Variants in TRAF3 observed in about 807,000 individuals in gnomAD.
TRAF3 encodes TNF receptor-associated factor 3.
Under a neutral mutation model 62.3 loss-of-function variants are expected in TRAF3, and 13 were observed. That is an observed-to-expected ratio of 0.21 (90% confidence interval 0.14 to 0.33). TRAF3 has a LOEUF of 0.33. Among genes scored for constraint, TRAF3 ranks in the 10% least tolerant of loss-of-function variants. The pLI is 1.00. For missense variants in TRAF3, 440 were observed against 741.8 expected, an observed-to-expected ratio of 0.59 and a Z score of 4.73; for synonymous variants, 269 against 283.4, an observed-to-expected ratio of 0.95 and a Z score of 0.51.
chr14:102,896,032 G>A (rs1340237289), intron 9 of TRAF3, among the ~76,000 whole-genome samples: 1 of 152,164 alleles, frequency 6.6e-6, no homozygotes, highest in East Asian at 1.9e-4. Flanking sequence ...CTGGGTGGAT[G>A]TGAAATAATT....
At chr14:102,822,938 A>G (rs933803368) in intron 1 of TRAF3, among the ~76,000 whole-genome samples, 3 of 151,900 alleles carry the variant, frequency 2.0e-5, no homozygotes, top group East Asian at 1.9e-4. Context: ...CCCGGGAGGC[A>G]GAGGTTGCGG....
At chr14:102,890,133 GAGAGCA>G (rs1566800705) in intron 8 of TRAF3, among the ~76,000 whole-genome samples, 1 of 152,246 alleles carries the variant, frequency 6.6e-6, no homozygotes, top group Non-Finnish European at 1.5e-5. Flanking sequence ...ACAGCTCATA[GAGAGCA>G]CACCTCCCCG....
intron 2 of TRAF3, among the ~76,000 whole-genome samples, chr14:102,867,994 C>T (rs935728710): frequency 2.6e-5 from 4 of 152,216 alleles, no homozygotes; most frequent in Non-Finnish European, 5.9e-5. Context: ...TCTGTCAGCT[C>T]ATGTGCCTGT....
intron 6 of TRAF3, among the ~76,000 whole-genome samples, chr14:102,883,175 C>T (rs746846827): frequency 1.1e-4 from 17 of 152,170 alleles, no homozygotes; most frequent in Admixed American, 2.6e-4. Context: ...CTGGAAACAG[C>T]CGGAGCACCC....
Position 102,873,059 on chromosome 14 carries a change from A to G in TRAF3, c.297+1091A>G, listed in dbSNP as rs150490126. Among the ~76,000 whole-genome samples the G allele has an allele frequency of 1.9e-4, 29 of 152,332 alleles. 1 individual carries two copies. In the East Asian group the frequency reaches 5.4e-3, roughly 28 times the overall value. On this transcript the variant is annotated intron_variant, in intron 4 of 11. Coordinates refer to ENST00000392745, the MANE Select transcript of TRAF3 (RefSeq NM_145725.3). ...TTCCCTACTTTGAGTAATATACCTA[A>G]CCATTTTTTAAATGCAGGTCACTAA...
At chr14:102,873,088 G>A (rs567257811) in intron 4 of TRAF3, among the ~76,000 whole-genome samples, 62 of 152,322 alleles carry the variant, frequency 4.1e-4, no homozygotes, top group East Asian at 7.7e-4. Context: ...TCACTAAGTT[G>A]TACAATAAAA....
chr14:102,799,612 G>A (rs1273120400), intron 1 of TRAF3, among the ~76,000 whole-genome samples: 2 of 152,044 alleles, frequency 1.3e-5, no homozygotes, highest in African/African-American at 4.8e-5. Context: ...CACCATACCT[G>A]GCTAATTTTT....
In TRAF3 at chr14:102,830,369, T is replaced by G. The variant is rs906629697; in HGVS notation, c.-121T>G. ...TGAGGCCCAAAGAAGTGATGCCACT[T>G]GGTTAAGGTCCCAGAGCAGGTCAGA... On this transcript the variant is annotated 5_prime_UTR_variant, in exon 2 of 12. Coordinates refer to ENST00000392745, the MANE Select transcript of TRAF3 (RefSeq NM_145725.3). The G allele has an allele frequency of 6.6e-6, 1 of 152,384 alleles. No homozygotes were observed. Among genetic ancestry groups the G allele is most frequent in the African/African-American group, 2.4e-5 (1 of 41,436 alleles). The allele number at this position is 152,384 out of a possible 1,614,324, so 9.4% of individuals were successfully genotyped here. A position where few individuals can be genotyped will look rare whatever the true frequency, so the allele number is the denominator to read the frequency against.
chr14:102,892,018 A>G (rs376908954), intron 9 of TRAF3, among the ~76,000 whole-genome samples: 2 of 149,566 alleles, frequency 1.3e-5, no homozygotes, highest in Non-Finnish European at 3.0e-5. Context: ...AGACAGGGCC[A>G]CTTCCCAAAG....
intron 1 of TRAF3, among the ~76,000 whole-genome samples, chr14:102,810,350 G>A (rs1254715683): frequency 1.3e-5 from 2 of 152,282 alleles, no homozygotes; most frequent in Non-Finnish European, 1.5e-5. Flanking sequence ...TCAGTGTGTG[G>A]TGAGGACAGT....
At chr14:102,894,163 C>T (rs1240786633) in intron 9 of TRAF3, among the ~76,000 whole-genome samples, 3 of 152,050 alleles carry the variant, frequency 2.0e-5, no homozygotes, top group Non-Finnish European at 4.4e-5. Context: ...CCCGTCTCTA[C>T]TAAAATACAA....
intron 1 of TRAF3, among the ~76,000 whole-genome samples, chr14:102,825,854 G>A (rs56083744): frequency 0.23 from 35,703 of 152,106 alleles, 4,669 homozygotes; most frequent in East Asian, 0.39. Flanking sequence ...CTGCTTGAGT[G>A]AGTCTCTCTG....
rs560200793 is a variant in TRAF3 at position 102,839,621 on chromosome 14, G to A, written c.-18+9149G>A. 1.9e-4 allele frequency among the ~76,000 whole-genome samples: 29 copies of A among 152,238 alleles called. No individual in the cohort carries two copies. The South Asian group carries it at 4.8e-3, about 25-fold the overall frequency. On this transcript the variant is annotated intron_variant, in intron 2 of 11. Coordinates refer to ENST00000392745, the MANE Select transcript of TRAF3 (RefSeq NM_145725.3). ...GCAGTTGCTGCAGGTGGCTGTTTTC[G>A]GTCTACCTCATACTGTCAGTGTGTC... is the stretch of plus-strand genomic sequence containing the variant.
At chr14:102,834,703 A>G (rs1218377232) in intron 2 of TRAF3, among the ~76,000 whole-genome samples, 2 of 151,160 alleles carry the variant, frequency 1.3e-5, no homozygotes, top group Non-Finnish European at 2.9e-5. Context: ...AAAAAAAAAA[A>G]AAAAGAAATT....
intron 2 of TRAF3, among the ~76,000 whole-genome samples, chr14:102,845,980 CAAAAAAA>C (rs35353834): frequency 0.014 from 785 of 56,852 alleles, 8 homozygotes; most frequent in African/African-American, 0.023. Context: ...GACCGTGTCT[CAAAAAAA>C]AAAAAAAAAA....
intron 2 of TRAF3, among the ~76,000 whole-genome samples, chr14:102,863,993 A>G (rs1437512021): frequency 6.6e-6 from 1 of 152,162 alleles, no homozygotes; most frequent in Non-Finnish European, 1.5e-5. Context: ...GGCAGCCAGG[A>G]TGGGACCAGA....
chr14:102,878,229 T>C (rs1888829540), intron 6 of TRAF3, among the ~76,000 whole-genome samples: 2 of 152,208 alleles, frequency 1.3e-5, no homozygotes, highest in Non-Finnish European at 2.9e-5. Context: ...ACAGGCTAAT[T>C]TGTCCTACAG....
intron 2 of TRAF3, among the ~76,000 whole-genome samples, chr14:102,836,670 G>A (rs1195732705): frequency 6.6e-6 from 1 of 152,190 alleles, no homozygotes; most frequent in Non-Finnish European, 1.5e-5. Flanking sequence ...GGCCACATTT[G>A]ATTATGAAGT....
intron 1 of TRAF3, among the ~76,000 whole-genome samples, chr14:102,789,880 T>C (rs536182778): frequency 4.3e-4 from 66 of 152,030 alleles, no homozygotes; most frequent in African/African-American, 1.6e-3. Context: ...AGTGCAGTGG[T>C]GCAGTGGCAT....
Sources: allele counts gnomAD v4.1 joint callset (sites outside exome capture counted in the v4.1 genomes callset), GRCh38; gene constraint gnomAD v4.1.1; transcripts MANE v1.5; gene names NCBI Gene and HGNC (gene_info 2026-07-23, HGNC 2026-07-21).